The following GABARAPL1 variants were observed in gnomAD, a reference collection of about 807,000 sequenced individuals.
The protein encoded by GABARAPL1 is GABA type A receptor associated protein like 1, also known as gamma-aminobutyric acid receptor-associated protein-like 1.
GABARAPL1 carries 4 observed loss-of-function variants against 14.5 expected under a neutral mutation model. That is an observed-to-expected ratio of 0.28 (90% CI 0.14 to 0.63). The LOEUF (loss-of-function observed/expected upper bound fraction) is 0.63. Ranked by LOEUF, GABARAPL1 falls within the 30% of genes least tolerant of loss-of-function variation. The pLI, the probability that GABARAPL1 is intolerant of heterozygous loss-of-function variation, is 0.84. For synonymous variants in GABARAPL1, 47 were observed against 50.6 expected (o/e 0.93, Z 0.30); for missense variants, 82 against 139.2 (o/e 0.59, Z 2.07).
At chr12:10,213,300 G>A (rs1462089808) in intron 1 of GABARAPL1, 81 bp downstream of exon 1, 11 of 842,404 alleles carry the variant, frequency 1.3e-5, no homozygotes, top group Non-Finnish European at 1.8e-5. Context: ...CTTCCCTGGG[G>A]CGCCCAGGCG....
intron 2 of GABARAPL1, among the ~76,000 whole-genome samples, chr12:10,218,456 C>A (rs1447038481): frequency 4.6e-5 from 7 of 151,866 alleles, no homozygotes; most frequent in African/African-American, 7.3e-5. Flanking sequence ...GCCTGTAGTC[C>A]CAGCTACTTG....
intron 2 of GABARAPL1, among the ~76,000 whole-genome samples, chr12:10,220,081 A>G (rs1949112091): frequency 6.6e-6 from 1 of 152,220 alleles, no homozygotes; most frequent in Non-Finnish European, 1.5e-5. Context: ...GGGGATGGAA[A>G]GAGTTTCAAG....
intron 3 of GABARAPL1, 28 bp from the exon 4 acceptor site, chr12:10,221,759 T>C (rs573249146): frequency 6.2e-7 from 1 of 1,613,016 alleles, no homozygotes; most frequent in South Asian, 1.1e-5. Context: ...ATATGTTTTC[T>C]AAACTGTTGT....
rs1416455166 is a variant in GABARAPL1, at chr12:10,222,947, G to A, written c.*1095G>A. On this transcript the variant is annotated 3_prime_UTR_variant, in exon 4 of 4. Coordinates refer to ENST00000266458, the MANE Select transcript of GABARAPL1 (RefSeq NM_031412.4). The stretch of plus-strand genomic sequence containing the variant: ...GATTTATTTTCACTTTTGGGATTTT[G>A]TGGGGTGGGAGTGGGGAGCAGGAAT... The A allele has an allele frequency of 6.6e-6, 1 of 152,560 alleles. No homozygotes were observed. Among genetic ancestry groups the A allele is most frequent in the Non-Finnish European group, 1.5e-5 (1 of 68,012 alleles). The allele number at this position is 152,560 out of a possible 1,614,324, so 9.5% of individuals were successfully genotyped here.
intron 1 of GABARAPL1, among the ~76,000 whole-genome samples, chr12:10,217,208 A>G (rs1286192524): frequency 2.0e-5 from 3 of 152,200 alleles, no homozygotes; most frequent in African/African-American, 4.8e-5. Context: ...ATATCTATAA[A>G]TGGCTTGTTG....
intron 1 of GABARAPL1, chr12:10,214,681 A>G (rs1339678527): frequency 6.6e-6 from 1 of 152,216 alleles, no homozygotes. Flanking sequence ...GGAGTATTCA[A>G]AGCACAAAGA....
At chr12:10,220,838 A>G (rs1949117190) in intron 3 of GABARAPL1, 1 of 1,419,126 alleles carries the variant, frequency 7.0e-7, no homozygotes, top group Non-Finnish European at 9.2e-7. Context: ...TTGAAACAGC[A>G]GGAAGTGATT....
chr12:10,214,207 G>A (rs11834419), intron 1 of GABARAPL1: 20,961 of 195,906 alleles, frequency 0.11, 1,944 homozygotes, highest in African/African-American at 0.26. Flanking sequence ...TTAGTATTAC[G>A]TGTCACATAA....
Position 10,218,087 on chromosome 12 carries a change from G to A in GABARAPL1, c.115G>A (p.Ala39Thr). ...VPVIVEKAPK[A>T]RVPDLDKRKY... The stretch of plus-strand genomic sequence containing the variant: ...GGTGATTGTAGAGAAGGCTCCAAAA[G>A]CCAGGGTGCCTGATCTGGACAAGAG... Residue 39 changes from alanine (A) to threonine (T), a missense_variant, in exon 2 of 4, where the codon GCC (alanine) becomes ACC (threonine). Ala to Thr is a moderately conservative substitution (Grantham distance 58, BLOSUM62 0). Transcript: ENST00000266458. 6.2e-7 allele frequency: 1 copy of A among 1,609,712 alleles called. No homozygotes were observed. The highest frequency in any genetic ancestry group is 8.5e-7 in the Non-Finnish European group (1 of 1,175,994).
chr12:10,215,260 T>C (rs1420452031), intron 1 of GABARAPL1, among the ~76,000 whole-genome samples: 1 of 152,214 alleles, frequency 6.6e-6, no homozygotes, highest in Non-Finnish European at 1.5e-5. Context: ...TGGCGTACCC[T>C]GACTGCTCGC....
chr12:10,213,987 A>T, intron 1 of GABARAPL1: 1 of 418,062 alleles, frequency 2.4e-6, no homozygotes, highest in Non-Finnish European at 4.8e-6. Context: ...GAGTAGGAAC[A>T]GAAAAGTATT....
rs1949114956 is a variant in GABARAPL1, at chr12:10,220,552, G to A, written c.282G>A (p.Leu94=). 2 of 1,614,024 alleles carry A rather than the reference G, an allele frequency of 1.2e-6. No homozygotes were observed. The highest frequency in any genetic ancestry group is 1.7e-6 in the Non-Finnish European group (2 of 1,179,938). ...CCACCAGTGCTACCATGGGCCAACT[G>A]TATGAGGTAATGGTTCTGGTTGCAC... ...IPPTSATMGQ[L]YEDNHEEDYF... The change falls in exon 3 of 4, where the codon CTG becomes CTA. Residue 94 remains leucine, a synonymous_variant. Transcript: ENST00000266458.
intron 3 of GABARAPL1, chr12:10,221,518 G>A: frequency 2.5e-5 from 20 of 812,338 alleles, no homozygotes; most frequent in Non-Finnish European, 3.0e-5. Context: ...CCCCTTGCTA[G>A]GAGTGAGCTC....
intron 1 of GABARAPL1, chr12:10,214,763 G>A (rs1265136514): frequency 2.6e-5 from 4 of 152,198 alleles, no homozygotes; most frequent in Non-Finnish European, 5.9e-5. Context: ...CTGTCTGAAG[G>A]ACTGTGGAGC....
chr12:10,221,572 T>C (rs921209971), intron 3 of GABARAPL1: 12 of 473,840 alleles, frequency 2.5e-5, no homozygotes, highest in Non-Finnish European at 3.0e-5. Flanking sequence ...ATATCCCTGA[T>C]ACCTATGTGT....
chr12:10,219,344 A>C (rs1214923460), intron 2 of GABARAPL1, among the ~76,000 whole-genome samples: 2 of 151,640 alleles, frequency 1.3e-5, no homozygotes, highest in Non-Finnish European at 2.9e-5. Context: ...AAAAAAAAAA[A>C]ACCCCAAAAT....
At chr12:10,221,708 C>T (rs1949120929) in intron 3 of GABARAPL1, 79 bp from the exon 4 acceptor site, 1 of 1,506,972 alleles carries the variant, frequency 6.6e-7, no homozygotes. Flanking sequence ...ACCTGCTTTA[C>T]AAGGTTGTGT....
At position 10,220,507 on chromosome 12, in the gene GABARAPL1, T is replaced by C; in HGVS notation, c.237T>C (p.Phe79=). ...HLRPEDALFF[F]VNNTIPPTSA... is the part of the protein sequence containing the mutation. The stretch of plus-strand genomic sequence containing the variant: ...GACCTGAGGACGCCTTATTCTTCTT[T>C]GTCAACAACACCATCCCTCCCACCA... The change falls in exon 3 of 4, where the codon TTT becomes TTC. Residue 79 remains phenylalanine, a synonymous_variant. Coordinates refer to ENST00000266458, the MANE Select transcript of GABARAPL1 (RefSeq NM_031412.4). 1 of 1,613,952 alleles carries C rather than the reference T, an allele frequency of 6.2e-7. No individual in the cohort carries two copies. Among genetic ancestry groups the C allele is most frequent in the Non-Finnish European group, 8.5e-7 (1 of 1,180,036 alleles).
At position 10,217,289 on chromosome 12, in the gene GABARAPL1, T is replaced by C. The variant is rs1949096031; in HGVS notation, c.91-774T>C. ...ACTGTTTCTTTTCCATTTAATAATGTTTGAACAATCTTTACAGTTCTTGGA... is the reference window on the plus strand; with the variant it reads ...ACTGTTTCTTTTCCATTTAATAATGCTTGAACAATCTTTACAGTTCTTGGA... On this transcript the variant is annotated intron_variant, in intron 1 of 3. Coordinates refer to ENST00000266458, the MANE Select transcript of GABARAPL1 (RefSeq NM_031412.4). Among the ~76,000 whole-genome samples the C allele has an allele frequency of 2.0e-5, 3 of 152,214 alleles. No homozygotes were observed. The South Asian group carries it at 6.2e-4, about 31-fold the overall frequency.
Sources: allele counts gnomAD v4.1 joint callset (sites outside exome capture counted in the v4.1 genomes callset), GRCh38; gene constraint gnomAD v4.1.1; transcripts MANE v1.5; gene names NCBI Gene and HGNC (gene_info 2026-07-23, HGNC 2026-07-21).